The following SNTB1 variants were observed in gnomAD, a reference collection of about 807,000 sequenced individuals.
SNTB1 encodes the protein syntrophin beta 1.
Under a neutral mutation model 48.9 loss-of-function variants are expected in SNTB1, and 36 were observed. The ratio of observed to expected loss-of-function variants is 0.74; its 90% CI spans 0.56 to 0.97. The LOEUF (loss-of-function observed/expected upper bound fraction) is 0.97. SNTB1 is among the 50% of genes least tolerant of loss of function. The pLI is 0.00. For missense variants in SNTB1, 786 were observed against 703.4 expected, an observed-to-expected ratio of 1.12 and a Z score of -1.33; for synonymous variants, 299 against 294.6, an observed-to-expected ratio of 1.01 and a Z score of -0.15.
At chr8:120,614,298 A>C (rs1348248142) in intron 3 of SNTB1, among the ~76,000 whole-genome samples, 1 of 152,224 alleles carries the variant, frequency 6.6e-6, no homozygotes, top group Non-Finnish European at 1.5e-5. Flanking sequence ...TGGAGTGTAT[A>C]ATCAATTTTC....
intron 2 of SNTB1, among the ~76,000 whole-genome samples, chr8:120,641,685 T>C (rs1817198941): frequency 6.6e-6 from 1 of 152,218 alleles, no homozygotes; most frequent in South Asian, 2.1e-4. Flanking sequence ...AAATTGTAGG[T>C]GTCCACCTCA....
chr8:120,634,470 C>T (rs994505973), intron 2 of SNTB1, among the ~76,000 whole-genome samples: 14 of 152,164 alleles, frequency 9.2e-5, no homozygotes, highest in Non-Finnish European at 1.5e-4. Flanking sequence ...CAAGGCCACA[C>T]CGTTGGTGAT....
chr8:120,639,865 C>A (rs532374555), intron 2 of SNTB1, among the ~76,000 whole-genome samples: 21 of 152,230 alleles, frequency 1.4e-4, no homozygotes, highest in African/African-American at 4.8e-4. Context: ...AATGTGGGCT[C>A]TTTTTTGTTC....
intron 2 of SNTB1, among the ~76,000 whole-genome samples, chr8:120,667,100 C>CTT (rs34814377): frequency 1.4e-5 from 2 of 140,684 alleles, no homozygotes; most frequent in African/African-American, 5.3e-5. Context: ...TCTCTCTCTT[C>CTT]TTTTTTTTTT....
intron 1 of SNTB1, among the ~76,000 whole-genome samples, chr8:120,801,476 A>G (rs1002360166): frequency 3.3e-5 from 5 of 152,008 alleles, no homozygotes; most frequent in Non-Finnish European, 7.4e-5. Flanking sequence ...TCTCTCCTCC[A>G]GACTGTTCTA....
At chr8:120,749,156 C>T (rs1018157489) in intron 1 of SNTB1, among the ~76,000 whole-genome samples, 21 of 152,142 alleles carry the variant, frequency 1.4e-4, no homozygotes, top group Non-Finnish European at 2.9e-4. Flanking sequence ...TGGAAAAGAA[C>T]GAGAAGACGT....
chr8:120,741,333 G>A (rs939464907), intron 1 of SNTB1, among the ~76,000 whole-genome samples: 1 of 152,220 alleles, frequency 6.6e-6, no homozygotes, highest in Non-Finnish European at 1.5e-5. Context: ...TTACGGCCAG[G>A]CACGGTGGCT....
chr8:120,596,060 CT>C lies in SNTB1; in HGVS notation c.997-20836del, dbSNP rs1164965211. ...GTTCAATGACATACGTTCAATGCCC[CT>C]GCCCATGTTCAATGACATACGTATA... On this transcript the variant is annotated intron_variant, in intron 3 of 6. Coordinates refer to ENST00000517992, the MANE Select transcript of SNTB1 (RefSeq NM_021021.4). 2.6e-5 allele frequency among the ~76,000 whole-genome samples: 4 copies of C among 152,172 alleles called. No individual in the cohort carries two copies. The East Asian group carries it at 7.7e-4, about 29-fold the overall frequency.
intron 3 of SNTB1, among the ~76,000 whole-genome samples, chr8:120,630,280 G>A (rs1816958101): frequency 6.6e-6 from 1 of 152,204 alleles, no homozygotes; most frequent in Non-Finnish European, 1.5e-5. Context: ...AGTGGGCAGG[G>A]GTTGGCAGGG....
rs1219972511 is a variant in SNTB1, at chr8:120,751,762, T to C, written c.572-57854A>G. Reference sequence around the variant, plus strand: ...CATTTATTTCTCTGCAAAATGGTGATAACAATAGTATGAGGTTTAAATGAA... The same window carrying C: ...CATTTATTTCTCTGCAAAATGGTGACAACAATAGTATGAGGTTTAAATGAA... On this transcript the variant is annotated intron_variant, in intron 1 of 6. Transcript: ENST00000517992. Among the ~76,000 whole-genome samples, 2 of 152,136 alleles carry C rather than the reference T, an allele frequency of 1.3e-5. 1 individual carries two copies. The highest frequency in any genetic ancestry group is 2.9e-5 in the Non-Finnish European group (2 of 68,006).
At chr8:120,630,750 T>G (rs894516115) in intron 3 of SNTB1, among the ~76,000 whole-genome samples, 1 of 152,164 alleles carries the variant, frequency 6.6e-6, no homozygotes, top group Non-Finnish European at 1.5e-5. Flanking sequence ...TGCAAATGAC[T>G]TAGGTGAGGC....
intron 1 of SNTB1, among the ~76,000 whole-genome samples, chr8:120,806,702 G>A (rs1820342364): frequency 6.6e-6 from 1 of 152,080 alleles, no homozygotes; most frequent in Non-Finnish European, 1.5e-5. Context: ...TTCCAGTAAA[G>A]AAAACTAAGC....
At chr8:120,555,864 A>G (rs1326038852) in intron 4 of SNTB1, among the ~76,000 whole-genome samples, 1 of 152,162 alleles carries the variant, frequency 6.6e-6, no homozygotes, top group East Asian at 1.9e-4. Flanking sequence ...GCACTCACAG[A>G]GGAAAGACCA....
intron 3 of SNTB1, among the ~76,000 whole-genome samples, chr8:120,579,208 A>G (rs949986707): frequency 6.8e-6 from 1 of 146,744 alleles, no homozygotes; most frequent in African/African-American, 2.5e-5. Flanking sequence ...AAACAAACAA[A>G]CAAACAAAGA....
At chr8:120,732,897 A>T (rs1818875149) in intron 1 of SNTB1, among the ~76,000 whole-genome samples, 1 of 152,198 alleles carries the variant, frequency 6.6e-6, no homozygotes, top group African/African-American at 2.4e-5. Flanking sequence ...AGCTTACATA[A>T]CAGGCATGAG....
chr8:120,736,720 G>A (rs1818949843), intron 1 of SNTB1, among the ~76,000 whole-genome samples: 1 of 152,226 alleles, frequency 6.6e-6, no homozygotes, highest in African/African-American at 2.4e-5. Flanking sequence ...TGGTGTGGCA[G>A]AACTCAAACA....
At chr8:120,674,758 G>A (rs889158284) in intron 2 of SNTB1, among the ~76,000 whole-genome samples, 3 of 152,176 alleles carry the variant, frequency 2.0e-5, no homozygotes, top group Non-Finnish European at 4.4e-5. Context: ...TAATTCAGAT[G>A]AAAATATGAC....
chr8:120,811,889 A>C lies in SNTB1; in HGVS notation c.-46T>G. The C allele has an allele frequency of 7.7e-7, 1 of 1,304,716 alleles. No individual in the cohort carries two copies. The highest frequency in any genetic ancestry group is 9.7e-7 in the Non-Finnish European group (1 of 1,029,328). The allele number at this position is 1,304,716 out of a possible 1,614,324, so 80.8% of individuals were successfully genotyped here. On this transcript the variant is annotated 5_prime_UTR_variant, in exon 1 of 7. Coordinates refer to ENST00000517992, the MANE Select transcript of SNTB1 (RefSeq NM_021021.4). Reference sequence around the variant, plus strand: ...GCCATGTGATTGGAAAAGGGGGGAAAAGTGGGGAAGGGTGGCCGGGGGGAG... The same window carrying C: ...GCCATGTGATTGGAAAAGGGGGGAACAGTGGGGAAGGGTGGCCGGGGGGAG...
chr8:120,554,317 C>G (rs1244088595), intron 4 of SNTB1, among the ~76,000 whole-genome samples: 1 of 152,082 alleles, frequency 6.6e-6, no homozygotes, highest in East Asian at 1.9e-4. Context: ...GGACAGGCTC[C>G]GTCTGGCCAC....
Sources: gnomAD v4.1 joint callset for allele counts (sites outside exome capture counted in the v4.1 genomes callset) on GRCh38, gnomAD v4.1.1 for gene constraint, MANE v1.5 for transcripts, NCBI Gene and HGNC (gene_info 2026-07-23, HGNC 2026-07-21) for gene names.